Variants in TENM3 observed in about 807,000 individuals in gnomAD.
The protein encoded by TENM3 is teneurin-3.
TENM3 carries 63 observed loss-of-function variants against 255.1 expected under a neutral mutation model. The ratio of observed to expected loss-of-function variants is 0.25; its 90% CI spans 0.20 to 0.30. TENM3 has a LOEUF of 0.30. Among genes scored for constraint, TENM3 ranks in the 10% least tolerant of loss-of-function variants. TENM3 has a pLI of 1.00. For synonymous variants in TENM3, 1,306 were observed against 1,322.3 expected, an observed-to-expected ratio of 0.99 and a Z score of 0.27; for missense variants, 2,929 against 3,461.1, an observed-to-expected ratio of 0.85 and a Z score of 3.86.
chr4:181,753,797 C>A, the TENM3 span, among the ~76,000 whole-genome samples: 1 of 152,166 alleles, frequency 6.6e-6, no homozygotes, highest in Non-Finnish European at 1.5e-5. Context: ...TTTGAACATG[C>A]AGATGGCAGA....
At chr4:182,367,434 C>T (rs752179659) in intron 3 of TENM3, among the ~76,000 whole-genome samples, 4 of 151,926 alleles carry the variant, frequency 2.6e-5, no homozygotes, top group Admixed American at 1.3e-4. Context: ...AACTGAGACG[C>T]GATGAACAAT....
At chr4:181,738,443 A>G in the TENM3 span, among the ~76,000 whole-genome samples, 1 of 151,970 alleles carries the variant, frequency 6.6e-6, no homozygotes, top group Non-Finnish European at 1.5e-5. Context: ...GAAGTCCTTT[A>G]TTTTGTGCTT....
At chr4:181,793,664 C>T in the TENM3 span, among the ~76,000 whole-genome samples, 1 of 152,176 alleles carries the variant, frequency 6.6e-6, no homozygotes, top group Non-Finnish European at 1.5e-5. Context: ...AAAACCTTTG[C>T]TCCCCAGCTA....
In TENM3 at chr4:182,161,697, A is replaced by ATG. The variant is rs1258215344; in HGVS notation, c.-76+16945_-76+16946dup. Among the ~76,000 whole-genome samples the ATG allele has an allele frequency of 5.5e-5, 6 of 109,050 alleles. 1 individual carries two copies. Among genetic ancestry groups the ATG allele is most frequent in the South Asian group, 2.8e-4 (1 of 3,548 alleles). The allele number at this position is 109,050 out of a possible 152,430, so 71.5% of individuals were successfully genotyped here. A position where few individuals can be genotyped will look rare whatever the true frequency, so the allele number is the denominator to read the frequency against. ...TATGTATATATATACACAAATATAT[A>ATG]TGTATATATATACATATATATGTGT... On this transcript the variant is annotated intron_variant, in intron 1 of 2. Coordinates refer to the TENM3 transcript ENST00000512480.
the TENM3 span, among the ~76,000 whole-genome samples, chr4:181,605,568 A>AAGAAAGAAAGAAAGAAAGAAAGGGAG: frequency 6.6e-4 from 28 of 42,202 alleles, 3 homozygotes; most frequent in African/African-American, 2.4e-3. Flanking sequence ...GAAAGAAAGA[A>AAGAAAGAAAGAAAGAAAGAAAGGGAG]AGAGAGAGAA....
chr4:181,805,343 G>A, the TENM3 span, among the ~76,000 whole-genome samples: 1 of 152,010 alleles, frequency 6.6e-6, no homozygotes, highest in Admixed American at 6.6e-5. Flanking sequence ...AGACCACATT[G>A]GCCACCTCTA....
the TENM3 span, among the ~76,000 whole-genome samples, chr4:182,006,379 G>T: frequency 6.6e-6 from 1 of 152,048 alleles, no homozygotes; most frequent in Non-Finnish European, 1.5e-5. Flanking sequence ...GTTGGTAGGT[G>T]ATTAATTACG....
At chr4:181,527,992 T>C in the TENM3 span, among the ~76,000 whole-genome samples, 1 of 152,122 alleles carries the variant, frequency 6.6e-6, no homozygotes, top group Non-Finnish European at 1.5e-5. Context: ...AATTGTTTAC[T>C]TTTTTAAAAC....
At chr4:182,005,752 T>G in the TENM3 span, among the ~76,000 whole-genome samples, 1 of 152,172 alleles carries the variant, frequency 6.6e-6, no homozygotes, top group Admixed American at 6.5e-5. Flanking sequence ...CCTTGAGCAG[T>G]GGTTTGTAGT....
chr4:181,862,967 A>C, the TENM3 span, among the ~76,000 whole-genome samples: 1 of 152,202 alleles, frequency 6.6e-6, no homozygotes, highest in African/African-American at 2.4e-5. Flanking sequence ...TAGCTCAGAC[A>C]TCAGAAAGAA....
the TENM3 span, among the ~76,000 whole-genome samples, chr4:181,783,497 T>C: frequency 6.6e-6 from 1 of 152,180 alleles, no homozygotes; most frequent in African/African-American, 2.4e-5. Flanking sequence ...CACATTATTT[T>C]TTCTTTTCAA....
At chr4:182,178,318 C>G (rs11732492) in intron 1 of TENM3, among the ~76,000 whole-genome samples, 123,274 of 152,038 alleles carry the variant, frequency 0.81, 50,565 homozygotes, top group African/African-American at 0.9. Flanking sequence ...AATTATGTAG[C>G]CCAGGGATAG....
chr4:181,658,201 G>A, the TENM3 span, among the ~76,000 whole-genome samples: 115 of 152,258 alleles, frequency 7.6e-4, 1 homozygote, highest in African/African-American at 2.7e-3. Flanking sequence ...TAGAAAAAAA[G>A]AATGTTGTTG....
At chr4:182,115,373 G>A in the TENM3 span, among the ~76,000 whole-genome samples, 1 of 152,104 alleles carries the variant, frequency 6.6e-6, no homozygotes, top group African/African-American at 2.4e-5. Context: ...AATTATGACA[G>A]AAAGTTAAAT....
chr4:182,057,681 G>A, the TENM3 span, among the ~76,000 whole-genome samples: 1 of 152,044 alleles, frequency 6.6e-6, no homozygotes, highest in African/African-American at 2.4e-5. Flanking sequence ...AATTACAGGT[G>A]TGAGCTATAG....
rs772571109 is a variant in TENM3 at position 182,752,037 on chromosome 4, C to A, written c.3862+5C>A. 2 of 1,491,712 alleles carry A rather than the reference C, an allele frequency of 1.3e-6. No homozygotes were observed. The highest frequency in any genetic ancestry group is 1.8e-6 in the Non-Finnish European group (2 of 1,111,354). 92.4% of individuals were successfully genotyped at this position (1,491,712 alleles called of 1,614,324 possible). On this transcript the variant is annotated splice_donor_5th_base_variant and intron_variant, in intron 20 of 27. Coordinates refer to ENST00000511685, the MANE Select transcript of TENM3 (RefSeq NM_001080477.4). Reference sequence around the variant, plus strand: ...CCACACTCATGAGTCCCAAAGGTACCGGCAGTTGGCGATTTGAGGATTTCT... The same window carrying A: ...CCACACTCATGAGTCCCAAAGGTACAGGCAGTTGGCGATTTGAGGATTTCT...
At chr4:181,853,173 T>G in the TENM3 span, among the ~76,000 whole-genome samples, 1 of 152,212 alleles carries the variant, frequency 6.6e-6, no homozygotes, top group Non-Finnish European at 1.5e-5. Flanking sequence ...GCAATTTTAT[T>G]GATTATTTGA....
intron 3 of TENM3, among the ~76,000 whole-genome samples, chr4:182,573,147 G>T (rs139577301): frequency 2.0e-4 from 31 of 152,186 alleles, no homozygotes; most frequent in African/African-American, 7.5e-4. Context: ...AGTGAGACTC[G>T]GGGATTTAAA....
intron 3 of TENM3, among the ~76,000 whole-genome samples, chr4:182,466,162 A>G (rs1732565020): frequency 6.6e-6 from 1 of 152,204 alleles, no homozygotes; most frequent in African/African-American, 2.4e-5. Context: ...TATGCATTTA[A>G]GGGTATGATT....
Sources: gnomAD v4.1 joint callset for allele counts (sites outside exome capture counted in the v4.1 genomes callset) on GRCh38, gnomAD v4.1.1 for gene constraint, MANE v1.5 for transcripts, NCBI Gene and HGNC (gene_info 2026-07-23, HGNC 2026-07-21) for gene names.